FBXL17: variants seen among roughly 807,000 people sequenced by gnomAD.
FBXL17 encodes F-box/LRR-repeat protein 17.
Under a neutral mutation model 66.2 loss-of-function variants are expected in FBXL17, and 22 were observed. That is an observed-to-expected ratio of 0.33 (90% CI 0.24 to 0.47). The LOEUF (loss-of-function observed/expected upper bound fraction) is 0.47, where lower values mean the gene tolerates loss of function less well. FBXL17 is among the 20% of genes least tolerant of loss of function. FBXL17 has a pLI of 1.00. For missense variants in FBXL17, 878 were observed against 948.2 expected (o/e 0.93, Z 0.97); for synonymous variants, 474 against 400.5 (o/e 1.18, Z -2.19).
At position 108,017,653 on chromosome 5, in the gene FBXL17, T is replaced by TCTGACA. The variant is rs1465171317; in HGVS notation, c.1822+3266_1822+3271dup. ...CAAAGCTGGAATTTTAACCGAACTCTCTGACACCTAAGTTTGATTTTTTTT... is the reference window on the plus strand; with the variant it reads ...CAAAGCTGGAATTTTAACCGAACTCTCTGACACTGACACCTAAGTTTGATTTTTTTT... On this transcript the variant is annotated intron_variant, in intron 7 of 8. Transcript: ENST00000542267. 2.6e-5 allele frequency among the ~76,000 whole-genome samples: 4 copies of TCTGACA among 152,318 alleles called. No homozygotes were observed. In the East Asian group the frequency reaches 5.8e-4, roughly 22 times the overall value.
intron 6 of FBXL17, among the ~76,000 whole-genome samples, chr5:108,153,422 T>C (rs1039357293): frequency 6.6e-6 from 1 of 152,200 alleles, no homozygotes; most frequent in African/African-American, 2.4e-5. Context: ...TTGAATTTAG[T>C]TTTTCCACTT....
intron 4 of FBXL17, among the ~76,000 whole-genome samples, chr5:108,275,461 A>T (rs1357101536): frequency 6.6e-6 from 1 of 152,230 alleles, no homozygotes; most frequent in Non-Finnish European, 1.5e-5. Flanking sequence ...ATGTTTCCAT[A>T]GAATGTAAAA....
intron 4 of FBXL17, among the ~76,000 whole-genome samples, chr5:108,237,406 G>A (rs975222052): frequency 2.6e-5 from 4 of 152,106 alleles, no homozygotes; most frequent in Non-Finnish European, 4.4e-5. Context: ...ATCCCAGTTC[G>A]GTTCAGTTCA....
intron 7 of FBXL17, among the ~76,000 whole-genome samples, chr5:107,979,675 T>A (rs558340630): frequency 6.6e-6 from 1 of 152,174 alleles, no homozygotes; most frequent in African/African-American, 2.4e-5. Context: ...GAATCTATTA[T>A]AGGGGCTTGA....
At chr5:108,305,983 G>A (rs1400729461) in intron 4 of FBXL17, among the ~76,000 whole-genome samples, 1 of 152,052 alleles carries the variant, frequency 6.6e-6, no homozygotes, top group East Asian at 1.9e-4. Context: ...AGTAGAGTCA[G>A]ATTAATACTG....
At chr5:108,212,472 C>G (rs1023392225) in intron 5 of FBXL17, among the ~76,000 whole-genome samples, 1 of 152,116 alleles carries the variant, frequency 6.6e-6, no homozygotes, top group Non-Finnish European at 1.5e-5. Flanking sequence ...TGTGATTTAC[C>G]TACCTTTGCT....
chr5:107,943,610 A>G (rs147907586), intron 7 of FBXL17, among the ~76,000 whole-genome samples: 3 of 148,752 alleles, frequency 2.0e-5, no homozygotes, highest in Non-Finnish European at 3.0e-5. Context: ...TCTTCAACGC[A>G]TCTTCACTCC....
chr5:108,168,302 A>T (rs1752483878), intron 6 of FBXL17, among the ~76,000 whole-genome samples: 1 of 152,166 alleles, frequency 6.6e-6, no homozygotes, highest in Non-Finnish European at 1.5e-5. Context: ...AAGAGAGGGG[A>T]AGGGGAAGGG....
At chr5:108,348,023 T>TA (rs1554091520) in intron 4 of FBXL17, among the ~76,000 whole-genome samples, 1 of 151,944 alleles carries the variant, frequency 6.6e-6, no homozygotes, top group Non-Finnish European at 1.5e-5. Context: ...TTCTGGACAA[T>TA]AAAAAAAATT....
chr5:108,236,455 G>C (rs1420988286), intron 4 of FBXL17, among the ~76,000 whole-genome samples: 1 of 151,970 alleles, frequency 6.6e-6, no homozygotes, highest in Non-Finnish European at 1.5e-5. Flanking sequence ...GGAGGTTGCA[G>C]TGAGCAGAGA....
Position 108,262,671 on chromosome 5 carries a change from G to C in FBXL17, c.1507-38443C>G, listed in dbSNP as rs527632476. ...GATTCCAAAATGAGACAATATACGA[G>C]AAGAAAATATGGGCCCACTTCACTT... On this transcript the variant is annotated intron_variant, in intron 4 of 8. Coordinates refer to ENST00000542267, the MANE Select transcript of FBXL17 (RefSeq NM_001163315.3). Among the ~76,000 whole-genome samples the C allele has an allele frequency of 1.8e-4, 27 of 152,024 alleles. 1 individual carries two copies. Among genetic ancestry groups the C allele is most frequent in the African/African-American group, 6.5e-4 (27 of 41,480 alleles).
intron 4 of FBXL17, among the ~76,000 whole-genome samples, chr5:108,330,254 A>C (rs773006543): frequency 7.6e-4 from 115 of 152,240 alleles, no homozygotes; most frequent in Non-Finnish European, 3.7e-4. Context: ...AATACCATAA[A>C]GAAATGACTG....
At chr5:108,284,407 A>G (rs1277280928) in intron 4 of FBXL17, among the ~76,000 whole-genome samples, 1 of 151,972 alleles carries the variant, frequency 6.6e-6, no homozygotes, top group Non-Finnish European at 1.5e-5. Context: ...AGCAACATGG[A>G]TGGAACTGGA....
intron 3 of FBXL17, among the ~76,000 whole-genome samples, chr5:108,355,742 A>G (rs1038965356): frequency 6.6e-6 from 1 of 151,710 alleles, no homozygotes; most frequent in Non-Finnish European, 1.5e-5. Flanking sequence ...ATTGACTGCT[A>G]AGAAAGAGAG....
intron 3 of FBXL17, among the ~76,000 whole-genome samples, chr5:108,357,753 G>T (rs867562704): frequency 6.6e-6 from 1 of 151,636 alleles, no homozygotes; most frequent in African/African-American, 2.4e-5. Flanking sequence ...TTAAGTTCTA[G>T]GGTACACGTG....
chr5:108,157,360 A>C (rs1752034723), intron 6 of FBXL17, among the ~76,000 whole-genome samples: 1 of 152,000 alleles, frequency 6.6e-6, no homozygotes, highest in African/African-American at 2.4e-5. Context: ...AATGTCCTAA[A>C]ATTCTAAATC....
chr5:107,876,573 G>C (rs1748620325), intron 8 of FBXL17, among the ~76,000 whole-genome samples: 1 of 152,134 alleles, frequency 6.6e-6, no homozygotes, highest in African/African-American at 2.4e-5. Context: ...CAAACAGCCA[G>C]CCTGCCTCCA....
chr5:107,975,113 G>C (rs903088475), intron 7 of FBXL17, among the ~76,000 whole-genome samples: 1 of 152,092 alleles, frequency 6.6e-6, no homozygotes, highest in Non-Finnish European at 1.5e-5. Context: ...CTTAAAATAT[G>C]TTATTTTATA....
intron 3 of FBXL17, among the ~76,000 whole-genome samples, chr5:108,364,035 T>C (rs575072481): frequency 2.0e-5 from 3 of 152,144 alleles, no homozygotes; most frequent in South Asian, 4.1e-4. Context: ...TAGGCTCCCT[T>C]ATAAGTTGGT....
Sources: gnomAD v4.1 joint callset for allele counts (sites outside exome capture counted in the v4.1 genomes callset) on GRCh38, gnomAD v4.1.1 for gene constraint, MANE v1.5 for transcripts, NCBI Gene and HGNC (gene_info 2026-07-23, HGNC 2026-07-21) for gene names.